ANK3: variants seen among roughly 807,000 people sequenced by gnomAD.
The protein encoded by ANK3 is ankyrin-3.
ANK3 carries 57 observed loss-of-function variants against 370.9 expected under a neutral mutation model. The observed-to-expected ratio is 0.15, with a 90% CI of 0.12 to 0.19. The LOEUF is 0.19. Among genes scored for constraint, ANK3 ranks in the 10% least tolerant of loss-of-function variants. ANK3 has a pLI of 1.00. For synonymous variants in ANK3, 1,929 were observed against 1,946.3 expected (o/e 0.99, Z 0.23); for missense variants, 4,439 against 5,302.1 (o/e 0.84, Z 5.06).
intron 13 of ANK3, among the ~76,000 whole-genome samples, chr10:60,199,693 G>A (rs1315224939): frequency 2.0e-5 from 3 of 148,684 alleles, no homozygotes; most frequent in African/African-American, 7.4e-5. Flanking sequence ...TACAGCTTGT[G>A]TAGAAAAAAA....
At chr10:60,614,982 AC>A (rs949713137) in intron 2 of ANK3, among the ~76,000 whole-genome samples, 9 of 152,296 alleles carry the variant, frequency 5.9e-5, no homozygotes, top group African/African-American at 2.2e-4. Context: ...AGTCCGGGTG[AC>A]CAGGTTGCTC....
intron 33 of ANK3, 26 bp downstream of exon 33, chr10:60,083,466 C>T: frequency 6.3e-7 from 1 of 1,596,868 alleles, no homozygotes; most frequent in Non-Finnish European, 8.5e-7. Context: ...CCATAATTCA[C>T]AGATTCTCTG....
rs547467430 is a variant in ANK3 at position 60,389,596 on chromosome 10, C to A, written c.-58G>T. The A allele has an allele frequency of 2.2e-5, 36 of 1,600,012 alleles. No individual in the cohort carries two copies. The highest frequency in any genetic ancestry group is 3.1e-5 in the Non-Finnish European group (36 of 1,175,452). The stretch of plus-strand genomic sequence containing the variant: ...CGGCTTCCTTGTAAAAGGTGATATC[C>A]TCAGGCACCTCTAATCAGGCTTACA... On this transcript the variant is annotated 5_prime_UTR_variant, in exon 1 of 44. The change creates a new upstream start codon in the 5' untranslated region. Coordinates refer to ENST00000280772, the MANE Select transcript of ANK3 (RefSeq NM_020987.5).
chr10:60,666,098 A>G (rs1047906697), intron 1 of ANK3, among the ~76,000 whole-genome samples: 1 of 152,200 alleles, frequency 6.6e-6, no homozygotes, highest in African/African-American at 2.4e-5. Flanking sequence ...TCTCAAAGAG[A>G]TATTTCTACA....
rs146962953 is a variant in ANK3, at chr10:60,336,834, C to T, written c.114+52591G>A. On this transcript the variant is annotated intron_variant, in intron 1 of 43. Transcript: ENST00000280772. ...AGTGTATATTCAGTAAGAAAAGTAC[C>T]CAATGTTTAGACAAAGAGAAGGACT... 5.0e-3 allele frequency among the ~76,000 whole-genome samples: 765 copies of T among 152,070 alleles called. 9 individuals are homozygous for T. The highest frequency in any genetic ancestry group is 0.017 in the African/African-American group (722 of 41,482).
In ANK3 at chr10:60,088,232, C is replaced by T; in HGVS notation, c.3455G>A (p.Gly1152Glu). The change falls in exon 29 of 44, where the codon GGA (glycine) becomes GAA (glutamate). Residue 1152 changes from glycine (G) to glutamate (E), a missense_variant. Around this residue, in one of 13 missense-constraint regions of ANK3, gnomAD observed 702 missense variants for 941.5 expected, o/e 0.75. Transcript: ENST00000280772. ...GGGCACTGTGGTGCTGCTCAGAATTCCACCTTCAGGACCAATCTGGTTGCT... is the reference window on the plus strand; with the variant it reads ...GGGCACTGTGGTGCTGCTCAGAATTTCACCTTCAGGACCAATCTGGTTGCT... ...QESNQIGPEG[G>E]ILSSTTVPLV... 6.2e-7 allele frequency: 1 copy of T among 1,614,186 alleles called. No homozygotes were observed. Among genetic ancestry groups the T allele is most frequent in the Non-Finnish European group, 8.5e-7 (1 of 1,180,022 alleles).
At chr10:60,409,097 C>G (rs940519991) in intron 2 of ANK3, among the ~76,000 whole-genome samples, 1 of 152,212 alleles carries the variant, frequency 6.6e-6, no homozygotes, top group Non-Finnish European at 1.5e-5. Context: ...GTTCAAATTT[C>G]TTTTTCCTAA....
intron 16 of ANK3, among the ~76,000 whole-genome samples, chr10:60,187,632 G>T (rs565205839): frequency 6.6e-6 from 1 of 152,212 alleles, no homozygotes; most frequent in Non-Finnish European, 1.5e-5. Flanking sequence ...CATGTTCAGA[G>T]CCATTCATTC....
At chr10:60,687,680 A>G (rs1194911229) in intron 1 of ANK3, among the ~76,000 whole-genome samples, 1 of 152,178 alleles carries the variant, frequency 6.6e-6, no homozygotes, top group African/African-American at 2.4e-5. Flanking sequence ...TAAAAATAGA[A>G]CTACCATATG....
chr10:60,489,588 G>A (rs970287231), intron 2 of ANK3, among the ~76,000 whole-genome samples: 1 of 151,968 alleles, frequency 6.6e-6, no homozygotes, highest in Non-Finnish European at 1.5e-5. Flanking sequence ...TATATTAATT[G>A]GTATTACTAT....
chr10:60,489,994 T>G (rs2075451990), intron 2 of ANK3, among the ~76,000 whole-genome samples: 1 of 151,796 alleles, frequency 6.6e-6, no homozygotes, highest in African/African-American at 2.4e-5. Context: ...GATATCAGTT[T>G]CTCCTTTCTC....
At chr10:60,703,294 T>A (rs2079569732) in intron 1 of ANK3, among the ~76,000 whole-genome samples, 1 of 152,200 alleles carries the variant, frequency 6.6e-6, no homozygotes, top group South Asian at 2.1e-4. Context: ...TTTTTGGGGT[T>A]TTTTAAATTT....
intron 2 of ANK3, among the ~76,000 whole-genome samples, chr10:60,462,285 A>AGT (rs763190765): frequency 1.1e-4 from 17 of 152,196 alleles, no homozygotes; most frequent in Non-Finnish European, 2.5e-4. Context: ...CTTACAGGAT[A>AGT]GTCTCTGTGA....
chr10:60,448,864 T>C (rs2064521905), intron 2 of ANK3, among the ~76,000 whole-genome samples: 1 of 152,238 alleles, frequency 6.6e-6, no homozygotes, highest in South Asian at 2.1e-4. Context: ...CACAGATTAT[T>C]CAGAGATAAA....
At chr10:60,514,297 G>A (rs947872848) in intron 2 of ANK3, among the ~76,000 whole-genome samples, 5 of 151,992 alleles carry the variant, frequency 3.3e-5, no homozygotes, top group Admixed American at 2.6e-4. Flanking sequence ...CTGTTCAAGG[G>A]GCAACTGATC....
In ANK3 at chr10:60,620,843, A is replaced by G. The variant is rs552832047; in HGVS notation, c.58-5619T>C. Among the ~76,000 whole-genome samples, 14 of 152,308 alleles carry G rather than the reference A, an allele frequency of 9.2e-5. No individual in the cohort carries two copies. The South Asian group carries it at 2.5e-3, about 27-fold the overall frequency. The stretch of plus-strand genomic sequence containing the variant: ...GGATACCTTCTCTAATAACAAGTAA[A>G]ACAGCCTTTTGGAGTTACTGGGCAT... On this transcript the variant is annotated intron_variant, in intron 1 of 43. Coordinates refer to the ANK3 transcript ENST00000373827.
intron 42 of ANK3, among the ~76,000 whole-genome samples, chr10:60,049,612 G>A (rs1448367972): frequency 3.3e-5 from 5 of 152,072 alleles, no homozygotes; most frequent in East Asian, 3.9e-4. Context: ...GGGAGAATAC[G>A]GACTCCCCTG....
intron 1 of ANK3, among the ~76,000 whole-genome samples, chr10:60,316,327 C>T (rs760074373): frequency 3.9e-5 from 6 of 152,102 alleles, no homozygotes; most frequent in African/African-American, 1.4e-4. Flanking sequence ...AACAAAAAAG[C>T]AGGAAGTCTC....
intron 2 of ANK3, among the ~76,000 whole-genome samples, chr10:60,419,869 A>G (rs1436392491): frequency 6.6e-6 from 1 of 151,730 alleles, no homozygotes; most frequent in Non-Finnish European, 1.5e-5. Context: ...TTTACATCCA[A>G]CCTCTCTGGG....
Sources: allele counts gnomAD v4.1 joint callset (sites outside exome capture counted in the v4.1 genomes callset), GRCh38; gene constraint gnomAD v4.1.1; regional missense constraint gnomAD v4.1.1; transcripts MANE v1.5; gene names NCBI Gene and HGNC (gene_info 2026-07-23, HGNC 2026-07-21).